The following PYCR1 variants were observed in gnomAD, a reference collection of about 807,000 sequenced individuals.
The protein encoded by PYCR1 is pyrroline-5-carboxylate reductase 1, mitochondrial.
A neutral mutation model predicts 22.9 loss-of-function variants in PYCR1; 19 were observed. That is an observed-to-expected ratio of 0.83 (90% CI 0.58 to 1.22). The LOEUF is 1.22. PYCR1 is among the 50% of genes most tolerant of loss of function. The pLI, the probability that PYCR1 is intolerant of heterozygous loss-of-function variation, is 0.00. For synonymous variants in PYCR1, 175 were observed against 180.5 expected (o/e 0.97, Z 0.24); for missense variants, 429 against 431.3 (o/e 0.99, Z 0.05).
At position 81,932,401 on chromosome 17, in the gene PYCR1, T is replaced by C. The variant is rs986119800; in HGVS notation, c.*813A>G. On this transcript the variant is annotated 3_prime_UTR_variant, in exon 7 of 7. Coordinates refer to ENST00000329875, the MANE Select transcript of PYCR1 (RefSeq NM_006907.4). ...CTGTAGACTTTTGCATTAGATTACA[T>C]TGACATTTTAATCAGTAAGGCAGAT... The C allele has an allele frequency of 2.4e-5, 5 of 207,252 alleles. No individual in the cohort carries two copies. Among genetic ancestry groups the C allele is most frequent in the African/African-American group, 9.2e-5 (4 of 43,550 alleles). 12.8% of individuals were successfully genotyped at this position (207,252 alleles called of 1,614,324 possible).
In PYCR1 at chr17:81,934,736, C is replaced by T. The variant is rs1567923674; in HGVS notation, c.550G>A (p.Ala184Thr). The change falls in exon 5 of 7, where the codon GCC becomes ACC. Residue 184 changes from alanine to threonine, a missense_variant. Transcript: ENST00000329875. ...SGSGPAYAFT[A>T]LDALADGGVK... Reference sequence around the variant, plus strand: ...CCCCCATCAGCCAGGGCATCCAGGGCTGTGAATGCCTGTGGGGAGAAGGCA... The same window carrying T: ...CCCCCATCAGCCAGGGCATCCAGGGTTGTGAATGCCTGTGGGGAGAAGGCA... 6.4e-7 allele frequency: 1 copy of T among 1,554,872 alleles called. No individual in the cohort carries two copies. Among genetic ancestry groups the T allele is most frequent in the South Asian group, 1.2e-5 (1 of 84,424 alleles).
chr17:81,934,896 G>A (rs746060807), intron 4 of PYCR1, 30 bp downstream of exon 4: 28 of 1,605,860 alleles, frequency 1.7e-5, no homozygotes, highest in Admixed American at 3.3e-5. Context: ...GGAAGTGCCC[G>A]CCGCCGCCAG....
At position 81,934,714 on chromosome 17, in the gene PYCR1, C is replaced by A. The variant is rs866245855; in HGVS notation, c.572G>T (p.Gly191Val). The A allele has an allele frequency of 6.4e-7, 1 of 1,569,656 alleles. No individual in the cohort carries two copies. Among genetic ancestry groups the A allele is most frequent in the Non-Finnish European group, 8.6e-7 (1 of 1,158,176 alleles). Residue 191 changes from glycine (G) to valine (V), a missense_variant, in exon 5 of 7, where the codon GGG becomes GTG. Transcript: ENST00000329875. ...CCTTGGAAGTCCCATCTTCACACCC[C>A]CATCAGCCAGGGCATCCAGGGCTGT... ...AFTALDALAD[G>V]GVKMGLPRRL...
Position 81,936,912 on chromosome 17 carries a change from G to A in PYCR1, c.-98C>T. 6.5e-7 allele frequency: 1 copy of A among 1,543,144 alleles called. No individual in the cohort carries two copies. The highest frequency in any genetic ancestry group is 8.7e-7 in the Non-Finnish European group (1 of 1,144,784). ...AGAGCAAGTTAGGGGGGCAGTGCCA[G>A]CCTGGCCGCTCCTCCCGCAGCCGGG... On this transcript the variant is annotated 5_prime_UTR_variant, in exon 1 of 7. Transcript: ENST00000329875.
rs779626748 is a variant in PYCR1, at chr17:81,932,871, C to A, written c.*343G>T. 6 of 1,606,324 alleles carry A rather than the reference C, an allele frequency of 3.7e-6. No homozygotes were observed. The highest frequency in any genetic ancestry group is 4.2e-6 in the Non-Finnish European group (5 of 1,177,074). ...GAGCCTTCACAGAGGGGGTCCTTGA[C>A]CTTTGCTCTCAGGAAGGAGCCCGTG... is the stretch of plus-strand genomic sequence containing the variant. On this transcript the variant is annotated 3_prime_UTR_variant, in exon 7 of 7. Transcript: ENST00000329875.
chr17:81,934,132 C>T (rs949959623), intron 6 of PYCR1, 194 bp downstream of exon 6: 12 of 759,780 alleles, frequency 1.6e-5, no homozygotes, highest in East Asian at 5.4e-5. Context: ...GTTCCCTCCT[C>T]GCAGGAAACG....
At position 81,936,862 on chromosome 17, in the gene PYCR1, C is replaced by T; in HGVS notation, c.-48G>A. 6.3e-7 allele frequency: 1 copy of T among 1,581,300 alleles called. No individual in the cohort carries two copies. Among genetic ancestry groups the T allele is most frequent in the Non-Finnish European group, 8.6e-7 (1 of 1,165,168 alleles). On this transcript the variant is annotated 5_prime_UTR_variant, in exon 1 of 7. Coordinates refer to ENST00000329875, the MANE Select transcript of PYCR1 (RefSeq NM_006907.4). ...AAAGCCCCCACAGATGGCACCGGCT[C>T]TGCGGGACGAGACCGGCAGGATCGA...
In PYCR1 at chr17:81,934,422, G is replaced by A. The variant is rs762956677; in HGVS notation, c.701C>T (p.Pro234Leu). 2 of 1,611,808 alleles carry A rather than the reference G, an allele frequency of 1.2e-6. No individual in the cohort carries two copies. The highest frequency in any genetic ancestry group is 3.3e-5 in the Admixed American group (2 of 59,810). The change falls in exon 6 of 7, where the codon CCT becomes CTT. Residue 234 changes from proline to leucine, a missense_variant. Transcript: ENST00000329875. ...CAAGGCATGGATGGTGGCCCCACCA[G>A]GAGAGCTGACGTTGTCCTTGAGCTG... ...PGQLKDNVSS[P>L]GGATIHALHV...
chr17:81,936,043 G>A, intron 2 of PYCR1, 80 bp downstream of exon 2: 3 of 1,512,092 alleles, frequency 2.0e-6, no homozygotes, highest in South Asian at 1.1e-5. Flanking sequence ...ACTGGGGTGG[G>A]GGCTACAGCA....
chr17:81,933,413 G>T, intron 6 of PYCR1, 37 bp from the exon 7 acceptor site: 1 of 1,611,152 alleles, frequency 6.2e-7, no homozygotes, highest in Non-Finnish European at 8.5e-7. Context: ...TGGAGCACAA[G>T]CGTGCACCCA....
rs767318427 is a variant in PYCR1 at position 81,935,066 on chromosome 17, C to T, written c.400G>A (p.Val134Met). The change falls in exon 4 of 7, where the codon GTG becomes ATG. Residue 134 changes from valine to methionine, a missense_variant. Coordinates refer to ENST00000329875, the MANE Select transcript of PYCR1 (RefSeq NM_006907.4). ...TPVVVREGATVYATGTHAQVE... is the reference protein window; with the variant it reads ...TPVVVREGATMYATGTHAQVE... ...TGGGCGTGCGTGCCTGTGGCATACA[C>T]GGTGGCCCCCTCCCGCACCACGACT... The T allele has an allele frequency of 1.3e-5, 21 of 1,610,450 alleles. No homozygotes were observed. The highest frequency in any genetic ancestry group is 9.9e-5 in the South Asian group (9 of 91,010).
chr17:81,935,253 C>G (rs748465788), intron 3 of PYCR1, 84 bp downstream of exon 3: 4 of 1,586,654 alleles, frequency 2.5e-6, no homozygotes, highest in Non-Finnish European at 3.4e-6. Context: ...GACGCTGCAA[C>G]CCTTTTGCAG....
intron 6 of PYCR1, 78 bp downstream of exon 6, chr17:81,934,248 A>G: frequency 6.3e-7 from 1 of 1,579,486 alleles, no homozygotes; most frequent in Non-Finnish European, 8.6e-7. Flanking sequence ...TGAGTGCGTG[A>G]ATGAGCAGAT....
Position 81,934,092 on chromosome 17 carries a change from A to G in PYCR1, c.797+234T>C, listed in dbSNP as rs1052941726. On this transcript the variant is annotated intron_variant, in intron 6 of 6. Transcript: ENST00000329875. The stretch of plus-strand genomic sequence containing the variant: ...AATGGTGAACCTATGTGGGGAGCAC[A>G]GGGCACAGCATCCGGGTCCCTCTAT... 115 of 618,770 alleles carry G rather than the reference A, an allele frequency of 1.9e-4. No homozygotes were observed. The African/African-American group carries it at 1.9e-3, about 10-fold the overall frequency. The allele number at this position is 618,770 out of a possible 1,614,324, so 38.3% of individuals were successfully genotyped here.
Position 81,936,626 on chromosome 17 carries a change from G to A in PYCR1, c.67+122C>T. 8.3e-6 allele frequency: 9 copies of A among 1,084,712 alleles called. No homozygotes were observed. In the South Asian group the frequency reaches 1.1e-4, roughly 13 times the overall value. The allele number at this position is 1,084,712 out of a possible 1,614,324, so 67.2% of individuals were successfully genotyped here. ...GTAAAGCCCCAAACACACAGAAGTTGCCAGTTCCCGCAGGACTCAGGCCTT... is the reference window on the plus strand; with the variant it reads ...GTAAAGCCCCAAACACACAGAAGTTACCAGTTCCCGCAGGACTCAGGCCTT... On this transcript the variant is annotated intron_variant, in intron 1 of 6. Coordinates refer to ENST00000329875, the MANE Select transcript of PYCR1 (RefSeq NM_006907.4).
Position 81,933,001 on chromosome 17 carries a change from G to C in PYCR1, c.*213C>G, listed in dbSNP as rs1182046456. 1.3e-6 allele frequency: 2 copies of C among 1,597,242 alleles called. No homozygotes were observed. Among genetic ancestry groups the C allele is most frequent in the Middle Eastern group, 1.7e-4 (1 of 6,046 alleles). On this transcript the variant is annotated 3_prime_UTR_variant, in exon 7 of 7. Coordinates refer to ENST00000329875, the MANE Select transcript of PYCR1 (RefSeq NM_006907.4). Reference sequence around the variant, plus strand: ...GGGAGCAGAGAAGAAAGGAGGTTGAGGTTGGGGAATCCACCCCTGTTCTGG... The same window carrying C: ...GGGAGCAGAGAAGAAAGGAGGTTGACGTTGGGGAATCCACCCCTGTTCTGG...
At chr17:81,936,673 GC>G in intron 1 of PYCR1, 74 bp downstream of exon 1, 2 of 1,502,990 alleles carry the variant, frequency 1.3e-6, no homozygotes, top group South Asian at 1.2e-5. Flanking sequence ...CCCACCTTCA[GC>G]CCCCAGCCCT....
rs1218788269 is a variant in PYCR1, at chr17:81,936,108, T to G, written c.138+15A>C. On this transcript the variant is annotated intron_variant, in intron 2 of 6. Transcript: ENST00000329875. ...CAGGGACTCAGTCTCCTTTCTCCCT[T>G]TCATCTGCACCTACCCTGAGAGCAG... 1 of 1,613,066 alleles carries G rather than the reference T, an allele frequency of 6.2e-7. No homozygotes were observed. Among genetic ancestry groups the G allele is most frequent in the Admixed American group, 1.7e-5 (1 of 60,002 alleles).
At chr17:81,934,216 C>A (rs1226948201) in intron 6 of PYCR1, 110 bp downstream of exon 6, 2 of 1,500,650 alleles carry the variant, frequency 1.3e-6, no homozygotes, top group Non-Finnish European at 1.8e-6. Context: ...CAACACTGGG[C>A]TGGAGCTCAA....
Sources: gnomAD v4.1 joint callset for allele counts on GRCh38, gnomAD v4.1.1 for gene constraint, MANE v1.5 for transcripts, NCBI Gene and HGNC (gene_info 2026-07-23, HGNC 2026-07-21) for gene names.